Variants in BACH1 observed in about 807,000 individuals in gnomAD.
BACH1 encodes the protein BTB domain and CNC homolog 1.
A neutral mutation model predicts 52.9 loss-of-function variants in BACH1; 35 were observed. That is an observed-to-expected ratio of 0.66 (90% CI 0.51 to 0.88). BACH1 has a LOEUF of 0.88. Ranked by LOEUF, BACH1 falls within the 40% of genes least tolerant of loss-of-function variation. The probability of loss-of-function intolerance (pLI) is 0.00; values close to 1 mark genes in which losing one functional copy is unlikely to be tolerated. For missense variants in BACH1, 808 were observed against 872.6 expected, an observed-to-expected ratio of 0.93 and a Z score of 0.93; for synonymous variants, 321 against 319.6, an observed-to-expected ratio of 1.00 and a Z score of -0.05.
chr21:29,358,324 T>G (rs1457416931), intron 2 of BACH1, among the ~76,000 whole-genome samples: 2 of 152,160 alleles, frequency 1.3e-5, no homozygotes, highest in Non-Finnish European at 2.9e-5. Flanking sequence ...GCAACAGACA[T>G]GGGCCTGCAG....
At chr21:29,306,169 AGT>A (rs61571512) in intron 1 of BACH1, among the ~76,000 whole-genome samples, 16,099 of 140,998 alleles carry the variant, frequency 0.11, 915 homozygotes, top group East Asian at 0.26. Flanking sequence ...GGTCAGGAAG[AGT>A]GTGTGTGTGT....
chr21:29,327,107 T>A lies in BACH1; in HGVS notation c.1283T>A (p.Ile428Asn). 1 of 1,614,188 alleles carries A rather than the reference T, an allele frequency of 6.2e-7. No homozygotes were observed. The highest frequency in any genetic ancestry group is 8.5e-7 in the Non-Finnish European group (1 of 1,180,036). The change falls in exon 3 of 5, where the codon ATC becomes AAC. Residue 428 changes from isoleucine to asparagine, a missense_variant. Transcript: ENST00000286800. ...GTGGCCAAAGATGGCTCAGAACAGATCTCACAGAAACGGTCTGAGTGTCCG... is the reference window on the plus strand; with the variant it reads ...GTGGCCAAAGATGGCTCAGAACAGAACTCACAGAAACGGTCTGAGTGTCCG... Reference protein sequence around the residue: ...PAVAKDGSEQISQKRSECPWL... With the variant: ...PAVAKDGSEQNSQKRSECPWL...
Position 29,326,850 on chromosome 21 carries a change from C to A in BACH1, c.1026C>A (p.Asn342Lys), listed in dbSNP as rs1021090453. The change falls in exon 3 of 5, where the codon AAC becomes AAA. Residue 342 changes from asparagine to lysine, a missense_variant. Asn to Lys is a moderately conservative substitution (Grantham distance 94, BLOSUM62 0). Transcript: ENST00000286800. Reference sequence around the variant, plus strand: ...ACTTGAATTTTGCTGGTATGCAAAACACAACAGTGTTAACAGAAAAGCCTT... The same window carrying A: ...ACTTGAATTTTGCTGGTATGCAAAAAACAACAGTGTTAACAGAAAAGCCTT... ...YGDLNFAGMQNTTVLTEKPLS... is the reference protein window; with the variant it reads ...YGDLNFAGMQKTTVLTEKPLS... The A allele has an allele frequency of 6.2e-7, 1 of 1,614,176 alleles. No individual in the cohort carries two copies. Among genetic ancestry groups the A allele is most frequent in the Non-Finnish European group, 8.5e-7 (1 of 1,180,030 alleles).
intron 4 of BACH1, among the ~76,000 whole-genome samples, chr21:29,334,371 TA>T (rs2123462696): frequency 6.6e-6 from 1 of 152,334 alleles, no homozygotes; most frequent in Non-Finnish European, 1.5e-5. Flanking sequence ...GTGCTGGGAT[TA>T]TAGGCGTGAG....
chr21:29,319,137 A>G (rs1258959127), intron 1 of BACH1, among the ~76,000 whole-genome samples: 1 of 152,234 alleles, frequency 6.6e-6, no homozygotes, highest in East Asian at 1.9e-4. Context: ...GAGAAACTCT[A>G]TCTAGCACTT....
chr21:29,318,833 AT>A (rs930300610), intron 1 of BACH1, among the ~76,000 whole-genome samples: 19 of 149,942 alleles, frequency 1.3e-4, no homozygotes, highest in Admixed American at 8.0e-4. Flanking sequence ...CTCAGGTCCA[AT>A]TTTTTTTTTC....
downstream of BACH1, among the ~76,000 whole-genome samples, chr21:29,349,567 G>A (rs566594208): frequency 2.4e-4 from 36 of 152,242 alleles, no homozygotes; most frequent in Non-Finnish European, 4.7e-4. Flanking sequence ...CTTGCAGTCC[G>A]TGAGAGGTGT....
At chr21:29,348,240 C>G (rs926616330), downstream of BACH1, among the ~76,000 whole-genome samples, 1 of 152,166 alleles carries the variant, frequency 6.6e-6, no homozygotes, top group Non-Finnish European at 1.5e-5. Flanking sequence ...GTGGTTGTTC[C>G]TACCGTGCTC....
intron 4 of BACH1, among the ~76,000 whole-genome samples, chr21:29,337,104 T>G (rs907834164): frequency 6.6e-6 from 1 of 152,240 alleles, no homozygotes; most frequent in Non-Finnish European, 1.5e-5. Context: ...TTTTTCAAAT[T>G]TGGCCTGGGA....
chr21:29,317,050 C>G (rs532050658), intron 1 of BACH1, among the ~76,000 whole-genome samples: 3 of 152,358 alleles, frequency 2.0e-5, no homozygotes, highest in Admixed American at 6.5e-5. Flanking sequence ...TGCTTGAGCT[C>G]CACCTCCTGT....
At chr21:29,347,562 T>C (rs2089176830), downstream of BACH1, among the ~76,000 whole-genome samples, 1 of 152,162 alleles carries the variant, frequency 6.6e-6, no homozygotes, top group Non-Finnish European at 1.5e-5. Flanking sequence ...TCTTGAAACA[T>C]TGGCCCATTG....
Position 29,326,726 on chromosome 21 carries a change from C to T in BACH1, c.902C>T (p.Thr301Ile), listed in dbSNP as rs775709740. The T allele has an allele frequency of 6.2e-7, 1 of 1,613,990 alleles. No individual in the cohort carries two copies. The highest frequency in any genetic ancestry group is 1.1e-5 in the South Asian group (1 of 91,094). ...TKKDPASQCP[T>I]EKSEVTPFPH... ...AAAGATCCTGCTTCTCAGTGCCCAA[C>T]TGAAAAATCAGAAGTGACTCCTTTC... Residue 301 changes from threonine to isoleucine, a missense_variant, in exon 3 of 5, where the codon ACT becomes ATT. By Grantham distance (89) the Thr-to-Ile change is moderately conservative. Coordinates refer to ENST00000286800, the MANE Select transcript of BACH1 (RefSeq NM_001186.4).
chr21:29,314,734 C>CT (rs147260957), intron 1 of BACH1, among the ~76,000 whole-genome samples: 3,444 of 149,702 alleles, frequency 0.023, 109 homozygotes, highest in African/African-American at 0.079. Context: ...TTAGTTCAAA[C>CT]TTTTTTTTTT....
intron 1 of BACH1, among the ~76,000 whole-genome samples, chr21:29,314,543 C>T (rs559114220): frequency 5.9e-5 from 9 of 152,226 alleles, no homozygotes; most frequent in African/African-American, 2.2e-4. Context: ...TGTATGGGAC[C>T]TCACATGATG....
At chr21:29,299,271 T>G (rs1023028246) in intron 1 of BACH1, 1 of 151,208 alleles carries the variant, frequency 6.6e-6, no homozygotes, top group Non-Finnish European at 1.5e-5. Flanking sequence ...GGCCGCGGGG[T>G]CCCTGCCCCA....
chr21:29,356,983 C>T (rs2089238566), intron 2 of BACH1, among the ~76,000 whole-genome samples: 1 of 152,278 alleles, frequency 6.6e-6, no homozygotes, highest in East Asian at 1.9e-4. Flanking sequence ...CAGTGTAAGA[C>T]TGCCACCTCC....
chr21:29,338,774 C>G (rs1384701588), intron 4 of BACH1, among the ~76,000 whole-genome samples: 1 of 152,098 alleles, frequency 6.6e-6, no homozygotes, highest in Non-Finnish European at 1.5e-5. Context: ...TCATCTTCTC[C>G]TTATACCCTA....
chr21:29,307,593 T>C (rs1232690905), intron 1 of BACH1, among the ~76,000 whole-genome samples: 1 of 152,264 alleles, frequency 6.6e-6, no homozygotes, highest in Non-Finnish European at 1.5e-5. Flanking sequence ...ACATAACTTT[T>C]ATTACAGTAT....
chr21:29,348,661 T>C (rs1367346933), downstream of BACH1, among the ~76,000 whole-genome samples: 1 of 152,194 alleles, frequency 6.6e-6, no homozygotes, highest in African/African-American at 2.4e-5. Context: ...AAGCTGTTTC[T>C]GGTACCTGGA....
Sources: gnomAD v4.1 joint callset for allele counts (sites outside exome capture counted in the v4.1 genomes callset) on GRCh38, gnomAD v4.1.1 for gene constraint, MANE v1.5 for transcripts, NCBI Gene and HGNC (gene_info 2026-07-23, HGNC 2026-07-21) for gene names.